The following CGNL1 variants were observed in gnomAD, a reference collection of about 807,000 sequenced individuals.
CGNL1 encodes cingulin-like protein 1.
Under a neutral mutation model 141.2 loss-of-function variants are expected in CGNL1, and 132 were observed. The observed-to-expected ratio is 0.93, with a 90% CI of 0.81 to 1.08. CGNL1 has a LOEUF of 1.08. Ranked by LOEUF, CGNL1 falls within the 50% of genes least tolerant of loss-of-function variation. The probability of loss-of-function intolerance (pLI) is 0.00; values close to 1 mark genes in which losing one functional copy is unlikely to be tolerated. For synonymous variants in CGNL1, 690 were observed against 622.1 expected, an observed-to-expected ratio of 1.11 and a Z score of -1.63; for missense variants, 1,870 against 1,588.6, an observed-to-expected ratio of 1.18 and a Z score of -3.01.
intron 14 of CGNL1, among the ~76,000 whole-genome samples, chr15:57,533,294 C>A (rs887012885): frequency 2.0e-5 from 3 of 152,172 alleles, no homozygotes; most frequent in Non-Finnish European, 4.4e-5. Context: ...AGAGAGGGAC[C>A]TTCCTGAAAA....
chr15:57,440,838 C>G (rs142127009), intron 3 of CGNL1, among the ~76,000 whole-genome samples: 89 of 152,172 alleles, frequency 5.8e-4, no homozygotes, highest in African/African-American at 2.0e-3. Flanking sequence ...TTAGAAGTTA[C>G]AAATAAAAAC....
At chr15:57,441,242 G>A (rs1392369390) in intron 3 of CGNL1, among the ~76,000 whole-genome samples, 5 of 150,470 alleles carry the variant, frequency 3.3e-5, no homozygotes, top group Non-Finnish European at 7.4e-5. Flanking sequence ...GGGATCTTTT[G>A]AAAGGGGGAA....
chr15:57,411,537 A>AG (rs1478146497), intron 1 of CGNL1, among the ~76,000 whole-genome samples: 1 of 150,296 alleles, frequency 6.7e-6, no homozygotes, highest in African/African-American at 2.5e-5. Flanking sequence ...TCCACCTACC[A>AG]GGTTCAAGCA....
chr15:57,466,115 G>T (rs1251112992), intron 8 of CGNL1, among the ~76,000 whole-genome samples: 1 of 152,212 alleles, frequency 6.6e-6, no homozygotes, highest in Non-Finnish European at 1.5e-5. Flanking sequence ...TTCTTATAGA[G>T]AAATGGATCT....
At chr15:57,462,559 A>G (rs537822469) in intron 8 of CGNL1, among the ~76,000 whole-genome samples, 1 of 152,324 alleles carries the variant, frequency 6.6e-6, no homozygotes, top group African/African-American at 2.4e-5. Context: ...TGCCATCTTT[A>G]GGGAAAGAGG....
At chr15:57,450,882 A>T (rs1186166472) in intron 4 of CGNL1, among the ~76,000 whole-genome samples, 1 of 152,150 alleles carries the variant, frequency 6.6e-6, no homozygotes, top group Non-Finnish European at 1.5e-5. Flanking sequence ...AATTTATGAG[A>T]TACATTGGGT....
intron 1 of CGNL1, among the ~76,000 whole-genome samples, chr15:57,399,132 T>G (rs1450759756): frequency 6.6e-6 from 1 of 152,190 alleles, no homozygotes; most frequent in Admixed American, 6.5e-5. Flanking sequence ...AAGGTGGACT[T>G]TTTAGGGAAG....
At chr15:57,545,506 G>A (rs1195061791) in intron 16 of CGNL1, 86 bp from the exon 17 acceptor site, 2 of 1,230,728 alleles carry the variant, frequency 1.6e-6, no homozygotes, top group African/African-American at 3.0e-5. Flanking sequence ...ACCCCTGGCT[G>A]GAGCTTCCCC....
At chr15:57,509,264 G>A (rs1294445238) in intron 8 of CGNL1, among the ~76,000 whole-genome samples, 6 of 152,156 alleles carry the variant, frequency 3.9e-5, no homozygotes, top group Admixed American at 6.5e-5. Context: ...CAGCGAGATG[G>A]AACTGACACC....
At chr15:57,537,551 GGTT>G (rs1266248714) in intron 14 of CGNL1, among the ~76,000 whole-genome samples, 1 of 151,804 alleles carries the variant, frequency 6.6e-6, no homozygotes, top group Middle Eastern at 3.2e-3. Context: ...CCTTTTTTGT[GGTT>G]ATTATTTTTA....
chr15:57,547,017 C>T (rs1422589261), intron 18 of CGNL1, among the ~76,000 whole-genome samples: 1 of 152,160 alleles, frequency 6.6e-6, no homozygotes, highest in Non-Finnish European at 1.5e-5. Flanking sequence ...CATTTTAATG[C>T]AATATTTAAA....
At chr15:57,538,135 A>G (rs1166449514) in intron 14 of CGNL1, among the ~76,000 whole-genome samples, 1 of 152,250 alleles carries the variant, frequency 6.6e-6, no homozygotes, top group African/African-American at 2.4e-5. Context: ...GCAGGGACAC[A>G]TAGGATACTT....
chr15:57,401,008 G>A lies in CGNL1; in HGVS notation c.-16+24441G>A, dbSNP rs565922853. 3.6e-4 allele frequency among the ~76,000 whole-genome samples: 55 copies of A among 151,594 alleles called. No homozygotes were observed. In the South Asian group the frequency reaches 3.9e-3, roughly 11 times the overall value. On this transcript the variant is annotated intron_variant, in intron 1 of 18. Coordinates refer to ENST00000281282, the MANE Select transcript of CGNL1 (RefSeq NM_032866.5). ...TCTCTAGTCATAACTACGCTTTAAG[G>A]ATTTGATAATTTTTTTTTAGATTTT...
chr15:57,429,766 C>G (rs1267154048), intron 1 of CGNL1, among the ~76,000 whole-genome samples: 1 of 152,130 alleles, frequency 6.6e-6, no homozygotes, highest in Admixed American at 6.5e-5. Context: ...TGAACAAAGC[C>G]AGCTTTCTTG....
Position 57,439,577 on chromosome 15 carries a change from A to T in CGNL1, c.1578A>T (p.Thr526=), listed in dbSNP as rs761031948. 2 of 1,613,340 alleles carry T rather than the reference A, an allele frequency of 1.2e-6. No homozygotes were observed. Among genetic ancestry groups the T allele is most frequent in the Non-Finnish European group, 1.7e-6 (2 of 1,179,970 alleles). The part of the protein sequence containing the change: ...DSGAKKISVK[T]FPSASNTQAT... Reference sequence around the variant, plus strand: ...GTGCCAAGAAAATTTCCGTGAAGACATTTCCTTCGGCCTCAAATACTCAGG... The same window carrying T: ...GTGCCAAGAAAATTTCCGTGAAGACTTTTCCTTCGGCCTCAAATACTCAGG... The change falls in exon 2 of 19, where the codon ACA becomes ACT. Residue 526 remains threonine (T), a synonymous_variant. Coordinates refer to ENST00000281282, the MANE Select transcript of CGNL1 (RefSeq NM_032866.5).
chr15:57,455,492 C>A (rs1029658581), intron 7 of CGNL1, among the ~76,000 whole-genome samples: 2 of 152,148 alleles, frequency 1.3e-5, no homozygotes, highest in African/African-American at 4.8e-5. Context: ...CCTGATATCC[C>A]CTGTCCTTTT....
intron 1 of CGNL1, among the ~76,000 whole-genome samples, chr15:57,436,496 T>G (rs2063107266): frequency 6.6e-6 from 1 of 152,180 alleles, no homozygotes; most frequent in Non-Finnish European, 1.5e-5. Context: ...CTTTCAGTCC[T>G]AGACTTCCTA....
At chr15:57,505,322 C>A (rs1291350799) in intron 8 of CGNL1, among the ~76,000 whole-genome samples, 2 of 152,160 alleles carry the variant, frequency 1.3e-5, no homozygotes, top group East Asian at 3.9e-4. Flanking sequence ...ATCCGTAACG[C>A]CACCCTGTTT....
intron 1 of CGNL1, among the ~76,000 whole-genome samples, chr15:57,397,673 A>G (rs1163338807): frequency 1.3e-5 from 2 of 152,106 alleles, no homozygotes; most frequent in Non-Finnish European, 2.9e-5. Context: ...ATTTTATGTT[A>G]TCCCCGTGTC....
Sources: gnomAD v4.1 joint callset for allele counts (sites outside exome capture counted in the v4.1 genomes callset) on GRCh38, gnomAD v4.1.1 for gene constraint, MANE v1.5 for transcripts, NCBI Gene and HGNC (gene_info 2026-07-23, HGNC 2026-07-21) for gene names.